GLI2: variants seen among roughly 807,000 people sequenced by gnomAD.
GLI2 encodes the protein GLI family zinc finger 2.
GLI2 carries 22 observed loss-of-function variants against 78.9 expected under a neutral mutation model. That is an observed-to-expected ratio of 0.28 (90% CI 0.20 to 0.40). The LOEUF (loss-of-function observed/expected upper bound fraction) is 0.40, where lower values mean the gene tolerates loss of function less well. GLI2 is among the 10% of genes least tolerant of loss of function. The probability of loss-of-function intolerance (pLI) is 1.00; values close to 1 mark genes in which losing one functional copy is unlikely to be tolerated. For synonymous variants in GLI2, 974 were observed against 963.7 expected, an observed-to-expected ratio of 1.01 and a Z score of -0.20; for missense variants, 2,097 against 2,213.2, an observed-to-expected ratio of 0.95 and a Z score of 1.05.
At position 120,986,520 on chromosome 2, in the gene GLI2, G is replaced by T. The variant is rs962236027; in HGVS notation, c.2148G>T (p.Lys716Asn). ...CCATGCACCGGTTCGAGCAGCTCAA[G>T]AAGGAGAAGCTCAAGTCACTCAAGG... ...MTTMHRFEQLKKEKLKSLKDS... is the reference protein window; with the variant it reads ...MTTMHRFEQLNKEKLKSLKDS... Residue 716 changes from lysine (K) to asparagine (N), a missense_variant, in exon 13 of 14, where the codon AAG (lysine) becomes AAT (asparagine). By Grantham distance (94) the Lys-to-Asn change is moderately conservative. Transcript: ENST00000361492. The T allele has an allele frequency of 6.2e-7, 1 of 1,614,176 alleles. No homozygotes were observed. Among genetic ancestry groups the T allele is most frequent in the Non-Finnish European group, 8.5e-7 (1 of 1,180,044 alleles).
Position 120,990,425 on chromosome 2 carries a change from T to C in GLI2, c.4460T>C (p.Leu1487Pro), listed in dbSNP as rs1039469636. Residue 1487 changes from leucine to proline, a missense_variant, in exon 14 of 14, where the codon CTC (leucine) becomes CCC (proline). Around this residue, in one of 5 missense-constraint regions of GLI2, gnomAD observed 1,290 missense variants for 1,261.7 expected, o/e 1.02. Coordinates refer to ENST00000361492, the MANE Select transcript of GLI2 (RefSeq NM_001374353.1). ...GTGTCCAGCACTGTGGACTCCCAGC[T>C]CCTGGAGGCCCCCCAGATTGACTTC... The part of the protein sequence containing the change: ...NQVSSTVDSQ[L>P]LEAPQIDFDA... 2.5e-6 allele frequency: 4 copies of C among 1,613,812 alleles called. No individual in the cohort carries two copies. In the African/African-American group the frequency reaches 5.3e-5, roughly 22 times the overall value.
chr2:120,936,716 G>T (rs904642527), intron 3 of GLI2, among the ~76,000 whole-genome samples: 1 of 152,206 alleles, frequency 6.6e-6, no homozygotes, highest in African/African-American at 2.4e-5. Flanking sequence ...TGGCCTTTGA[G>T]GTGGGGAGTC....
chr2:120,972,306 C>T (rs118185102), intron 8 of GLI2, among the ~76,000 whole-genome samples: 1 of 152,366 alleles, frequency 6.6e-6, no homozygotes, highest in East Asian at 1.9e-4. Flanking sequence ...AATGAATGAA[C>T]TTCTGCCTAG....
In GLI2 at chr2:120,984,502, C is replaced by T. The variant is rs758642577; in HGVS notation, c.1664C>T (p.Thr555Ile). ...TACATCTGCAAGATCCCAGGCTGCA[C>T]CAAGAGATACACAGACCCCAGCTCT... ...KPYICKIPGC[T>I]KRYTDPSSLR... Residue 555 changes from threonine (T) to isoleucine (I), a missense_variant, in exon 12 of 14, where the codon ACC (threonine) becomes ATC (isoleucine). Coordinates refer to ENST00000361492, the MANE Select transcript of GLI2 (RefSeq NM_001374353.1). 15 of 1,614,100 alleles carry T rather than the reference C, an allele frequency of 9.3e-6. No homozygotes were observed. Among genetic ancestry groups the T allele is most frequent in the Non-Finnish European group, 1.3e-5 (15 of 1,180,026 alleles).
intron 2 of GLI2, among the ~76,000 whole-genome samples, chr2:120,840,625 C>T (rs1267760858): frequency 1.3e-5 from 2 of 152,194 alleles, no homozygotes; most frequent in Non-Finnish European, 2.9e-5. Context: ...TGAACCATCA[C>T]TCAGCGAGAA....
At chr2:120,865,379 G>A (rs958526315) in intron 2 of GLI2, among the ~76,000 whole-genome samples, 9 of 152,166 alleles carry the variant, frequency 5.9e-5, no homozygotes, top group East Asian at 1.9e-4. Context: ...TTCTGTCCTC[G>A]CCACTAGGAG....
rs532993153 is a variant in GLI2 at position 120,899,617 on chromosome 2, G to A, written c.149-27744G>A. Among the ~76,000 whole-genome samples, 23 of 152,270 alleles carry A rather than the reference G, an allele frequency of 1.5e-4. No homozygotes were observed. The South Asian group carries it at 3.7e-3, about 25-fold the overall frequency. ...CAGTGAACTGAGGGTGACTGTGGGC[G>A]TCACAGCAGCGTCTCAGAAGGCCCT... On this transcript the variant is annotated intron_variant, in intron 2 of 13. Transcript: ENST00000361492.
Position 120,736,067 on chromosome 2 carries a change from G to A in GLI2, c.-249G>A, listed in dbSNP as rs1486174623. ...GGCCGCGCGGCGCGCCGCAGCCTCG[G>A]GGAGCCGCCTGCTCGCCGGCGGTAG... On this transcript the variant is annotated 5_prime_UTR_variant, in exon 1 of 14. Coordinates refer to ENST00000361492, the MANE Select transcript of GLI2 (RefSeq NM_001374353.1). Among the ~76,000 whole-genome samples, 3 of 151,246 alleles carry A rather than the reference G, an allele frequency of 2.0e-5. No individual in the cohort carries two copies. Among genetic ancestry groups the A allele is most frequent in the Non-Finnish European group, 3.0e-5 (2 of 67,772 alleles).
chr2:120,744,689 T>C (rs564996798), intron 1 of GLI2, among the ~76,000 whole-genome samples: 2 of 152,366 alleles, frequency 1.3e-5, no homozygotes, highest in East Asian at 3.9e-4. Context: ...ATTTTTGTTC[T>C]TCTCCTAAAA....
intron 2 of GLI2, among the ~76,000 whole-genome samples, chr2:120,861,891 G>A (rs144267355): frequency 6.6e-6 from 1 of 152,294 alleles, no homozygotes; most frequent in African/African-American, 2.4e-5. Flanking sequence ...GTGTCTGCAG[G>A]CTCTGGCAGC....
intron 2 of GLI2, among the ~76,000 whole-genome samples, chr2:120,819,296 A>G (rs1685654748): frequency 6.9e-6 from 1 of 145,944 alleles, no homozygotes; most frequent in Non-Finnish European, 1.5e-5. Flanking sequence ...CTGGAGTGCA[A>G]TGGTGTGATC....
intron 3 of GLI2, among the ~76,000 whole-genome samples, chr2:120,930,912 G>T (rs1679917121): frequency 6.6e-6 from 1 of 152,226 alleles, no homozygotes; most frequent in South Asian, 2.1e-4. Context: ...TCCCTTGCCA[G>T]TGAGGGTGGG....
intron 3 of GLI2, among the ~76,000 whole-genome samples, chr2:120,937,556 G>A (rs1680257089): frequency 6.6e-6 from 1 of 152,128 alleles, no homozygotes; most frequent in South Asian, 2.1e-4. Flanking sequence ...CAGCGGGGAC[G>A]CATGAAGGCC....
chr2:120,795,324 C>T (rs2104692195), intron 1 of GLI2, among the ~76,000 whole-genome samples: 1 of 152,132 alleles, frequency 6.6e-6, no homozygotes, highest in South Asian at 2.1e-4. Flanking sequence ...GAGTTCAAGA[C>T]CAGCCTGGCC....
intron 2 of GLI2, among the ~76,000 whole-genome samples, chr2:120,909,304 G>C (rs1678695457): frequency 1.3e-5 from 2 of 151,914 alleles, no homozygotes; most frequent in African/African-American, 2.4e-5. Flanking sequence ...TGGCCCTACT[G>C]TCTCCCTCCC....
At chr2:120,788,054 T>C (rs1684047010) in intron 1 of GLI2, among the ~76,000 whole-genome samples, 5 of 152,144 alleles carry the variant, frequency 3.3e-5, no homozygotes, top group Admixed American at 2.6e-4. Flanking sequence ...GCAGGGATGA[T>C]AAGGCCAGGC....
At chr2:120,869,070 C>T (rs1688296721) in intron 2 of GLI2, among the ~76,000 whole-genome samples, 1 of 152,178 alleles carries the variant, frequency 6.6e-6, no homozygotes, top group South Asian at 2.1e-4. Context: ...CTATTCTGTT[C>T]CATTGGTCTA....
chr2:120,789,176 C>T (rs1437655386), intron 1 of GLI2, among the ~76,000 whole-genome samples: 5 of 151,686 alleles, frequency 3.3e-5, no homozygotes, highest in South Asian at 2.1e-4. Context: ...GGATTACAGG[C>T]GCCTGCCACC....
intron 2 of GLI2, among the ~76,000 whole-genome samples, chr2:120,909,804 G>T (rs1678726127): frequency 6.6e-6 from 1 of 152,226 alleles, no homozygotes; most frequent in Non-Finnish European, 1.5e-5. Context: ...GGCGGAGCTT[G>T]CAGTGAGCTG....
Sources: allele counts gnomAD v4.1 joint callset (sites outside exome capture counted in the v4.1 genomes callset), GRCh38; gene constraint gnomAD v4.1.1; regional missense constraint gnomAD v4.1.1; transcripts MANE v1.5; gene names NCBI Gene and HGNC (gene_info 2026-07-23, HGNC 2026-07-21).